DAPL1: variants seen among roughly 807,000 people sequenced by gnomAD.
DAPL1 encodes death associated protein like 1.
Under a neutral mutation model 12.9 loss-of-function variants are expected in DAPL1, and 17 were observed. That is an observed-to-expected ratio of 1.32 (90% CI 0.90 to 1.98). The LOEUF is 1.98. DAPL1 is among the 30% of genes most tolerant of loss of function. The probability of loss-of-function intolerance (pLI) is 0.00; values close to 1 mark genes in which losing one functional copy is unlikely to be tolerated. For synonymous variants in DAPL1, 51 were observed against 42.0 expected (o/e 1.21, Z -0.82); for missense variants, 157 against 125.7 (o/e 1.25, Z -1.19).
In DAPL1 at chr2:158,795,411, AG is replaced by A; in HGVS notation, c.44del (p.Gly15AspfsTer6). 1 of 1,555,702 alleles carries A rather than the reference AG, an allele frequency of 6.4e-7. No individual in the cohort carries two copies. Among genetic ancestry groups the A allele is most frequent in the African/African-American group, 1.4e-5 (1 of 73,436 alleles). The part of the protein sequence containing the change: ...EVQDLLSPRK[G>X]GHPPAVKAGG... ...TGCAAGACCTGCTCTCCCCTCGGAA[AG>A]GGGGACATCCTCCTGCAGGTAGGCT... On this transcript the variant is annotated frameshift_variant, in exon 1 of 4. Coordinates refer to ENST00000309950, the MANE Select transcript of DAPL1 (RefSeq NM_001017920.3). LOFTEE classifies it high-confidence loss of function.
At chr2:158,808,401 T>G (rs568585237) in intron 3 of DAPL1, among the ~76,000 whole-genome samples, 1 of 152,198 alleles carries the variant, frequency 6.6e-6, no homozygotes, top group African/African-American at 2.4e-5. Flanking sequence ...GTGGAGACAA[T>G]GAGCTCACAT....
At chr2:158,808,003 G>A (rs1027566723) in intron 3 of DAPL1, among the ~76,000 whole-genome samples, 3 of 152,180 alleles carry the variant, frequency 2.0e-5, no homozygotes, top group African/African-American at 7.2e-5. Flanking sequence ...TTACCAAGTA[G>A]ACAGTGGTTT....
intron 1 of DAPL1, among the ~76,000 whole-genome samples, chr2:158,799,990 G>T (rs2059158053): frequency 6.6e-6 from 1 of 151,442 alleles, no homozygotes; most frequent in Admixed American, 6.6e-5. Flanking sequence ...CTTGAACTCG[G>T]GAGGCAGAGG....
chr2:158,799,594 T>G (rs916558509), intron 1 of DAPL1, among the ~76,000 whole-genome samples: 10 of 151,988 alleles, frequency 6.6e-5, no homozygotes, highest in African/African-American at 2.4e-4. Flanking sequence ...GTCACCCCAG[T>G]GTAGTGACAG....
At chr2:158,813,924 G>A (rs150030273) in intron 3 of DAPL1, among the ~76,000 whole-genome samples, 32 of 152,066 alleles carry the variant, frequency 2.1e-4, no homozygotes, top group Middle Eastern at 6.8e-3. Flanking sequence ...ATCAACATGT[G>A]GCTTTCTTTG....
chr2:158,808,147 A>G (rs1353023797), intron 3 of DAPL1, among the ~76,000 whole-genome samples: 1 of 152,184 alleles, frequency 6.6e-6, no homozygotes, highest in Admixed American at 6.5e-5. Flanking sequence ...TGCCATGTTT[A>G]TGGAAGGCGT....
chr2:158,803,576 T>G (rs1001190739), intron 1 of DAPL1, among the ~76,000 whole-genome samples: 1 of 152,266 alleles, frequency 6.6e-6, no homozygotes, highest in Non-Finnish European at 1.5e-5. Flanking sequence ...GTTGTTCCTT[T>G]TCAAAAGTTG....
intron 3 of DAPL1, among the ~76,000 whole-genome samples, chr2:158,815,393 T>C (rs988602676): frequency 5.9e-5 from 9 of 152,232 alleles, no homozygotes; most frequent in African/African-American, 1.7e-4. Flanking sequence ...CAGTGATTCA[T>C]AGATGCATAC....
chr2:158,804,413 G>A, intron 2 of DAPL1, 44 bp downstream of exon 2: 2 of 1,408,482 alleles, frequency 1.4e-6, no homozygotes, highest in Non-Finnish European at 2.0e-6. Flanking sequence ...GGAGTTTTGA[G>A]TGACTCTGCC....
chr2:158,796,416 G>A (rs1384028200), intron 1 of DAPL1, among the ~76,000 whole-genome samples: 2 of 152,140 alleles, frequency 1.3e-5, no homozygotes, highest in Non-Finnish European at 2.9e-5. Flanking sequence ...GCCAAAAAGA[G>A]TCCAGATTTT....
intron 1 of DAPL1, among the ~76,000 whole-genome samples, chr2:158,803,738 T>A (rs909286842): frequency 6.6e-6 from 1 of 152,222 alleles, no homozygotes; most frequent in Non-Finnish European, 1.5e-5. Context: ...TTTTGGGGTC[T>A]GGATGGAAGG....
intron 2 of DAPL1, among the ~76,000 whole-genome samples, chr2:158,806,783 C>A (rs560061503): frequency 6.6e-6 from 1 of 151,702 alleles, no homozygotes; most frequent in Non-Finnish European, 1.5e-5. Flanking sequence ...TTGCAGTGAG[C>A]CGAGATCATA....
intron 1 of DAPL1, among the ~76,000 whole-genome samples, chr2:158,799,731 A>G (rs1305734613): frequency 6.6e-6 from 1 of 152,202 alleles, no homozygotes; most frequent in Non-Finnish European, 1.5e-5. Context: ...TCTGTTCTGG[A>G]AATCCAATGT....
chr2:158,804,179 A>G (rs796440190), intron 1 of DAPL1, 103 bp from the exon 2 acceptor site: 2 of 773,256 alleles, frequency 2.6e-6, no homozygotes, highest in Non-Finnish European at 4.1e-6. Flanking sequence ...TCTTTAAAAA[A>G]TAAGTTCAAA....
chr2:158,813,632 T>C (rs1041081565), intron 3 of DAPL1, among the ~76,000 whole-genome samples: 7 of 147,202 alleles, frequency 4.8e-5, no homozygotes, highest in East Asian at 2.3e-4. Context: ...CTCGGCTCAC[T>C]GCAACCTCCG....
chr2:158,799,345 A>G (rs1252699420), intron 1 of DAPL1, among the ~76,000 whole-genome samples: 2 of 152,228 alleles, frequency 1.3e-5, no homozygotes, highest in African/African-American at 4.8e-5. Context: ...AAAAAGCAGG[A>G]TAGTCCCAAA....
chr2:158,795,989 C>T (rs1396492303), intron 1 of DAPL1, among the ~76,000 whole-genome samples: 11 of 152,136 alleles, frequency 7.2e-5, no homozygotes, highest in Admixed American at 5.2e-4. Flanking sequence ...AATAAAGACA[C>T]AGGACTTGAG....
At chr2:158,803,525 C>A (rs765734956) in intron 1 of DAPL1, among the ~76,000 whole-genome samples, 1 of 152,134 alleles carries the variant, frequency 6.6e-6, no homozygotes, top group African/African-American at 2.4e-5. Context: ...TTCCTGGGAA[C>A]AGAAAAAAAG....
chr2:158,797,755 C>A (rs952571007), intron 1 of DAPL1, among the ~76,000 whole-genome samples: 1 of 151,806 alleles, frequency 6.6e-6, no homozygotes, highest in Non-Finnish European at 1.5e-5. Context: ...CACGCCACTG[C>A]ACTCCAGCCT....
Sources: gnomAD v4.1 joint callset for allele counts (sites outside exome capture counted in the v4.1 genomes callset) on GRCh38, gnomAD v4.1.1 for gene constraint, MANE v1.5 for transcripts, NCBI Gene and HGNC (gene_info 2026-07-23, HGNC 2026-07-21) for gene names.